MRTFB: variants seen among roughly 807,000 people sequenced by gnomAD.
MRTFB encodes the protein myocardin related transcription factor B.
In MRTFB, 29 loss-of-function variants were observed where a neutral mutation model predicts 104.2. The ratio of observed to expected loss-of-function variants is 0.28; its 90% confidence interval spans 0.21 to 0.38. MRTFB has a LOEUF of 0.38. MRTFB is among the 10% of genes least tolerant of loss of function. The pLI is 1.00. For synonymous variants in MRTFB, 535 were observed against 519.5 expected, an observed-to-expected ratio of 1.03 and a Z score of -0.41; for missense variants, 1,270 against 1,341.6, an observed-to-expected ratio of 0.95 and a Z score of 0.83.
chr16:14,137,094 A>G (rs1011706128), intron 2 of MRTFB, among the ~76,000 whole-genome samples: 1 of 152,186 alleles, frequency 6.6e-6, no homozygotes, highest in Non-Finnish European at 1.5e-5. Context: ...TAATATGTCA[A>G]TTATTGACGA....
At chr16:14,211,283 TC>T (rs2041180278) in intron 4 of MRTFB, among the ~76,000 whole-genome samples, 1 of 151,854 alleles carries the variant, frequency 6.6e-6, no homozygotes, top group Admixed American at 6.6e-5. Flanking sequence ...CACCACCACA[TC>T]CCTGACTATG....
chr16:14,255,644 A>C (rs2043446681), intron 15 of MRTFB, among the ~76,000 whole-genome samples: 1 of 152,232 alleles, frequency 6.6e-6, no homozygotes, highest in Non-Finnish European at 1.5e-5. Flanking sequence ...GCATGTGTAG[A>C]CAATACTTAA....
the MRTFB span, among the ~76,000 whole-genome samples, chr16:14,036,145 T>TAAA: frequency 7.4e-4 from 6 of 8,152 alleles, no homozygotes; most frequent in Admixed American, 2.0e-3. Flanking sequence ...ATATTATATA[T>TAAA]ATAATATATA....
At chr16:14,108,663 G>A (rs1267730092) in intron 2 of MRTFB, among the ~76,000 whole-genome samples, 1 of 152,168 alleles carries the variant, frequency 6.6e-6, no homozygotes, top group Non-Finnish European at 1.5e-5. Flanking sequence ...GATTCTGGAT[G>A]CATTTTATTT....
the MRTFB span, among the ~76,000 whole-genome samples, chr16:14,017,667 TTGTG>T: frequency 2.0e-5 from 1 of 49,304 alleles, no homozygotes; most frequent in African/African-American, 7.7e-5. Context: ...GTGTGTGTAT[TTGTG>T]TGTGTGTGTG....
At chr16:14,210,609 CTAAAG>C (rs1052450492) in intron 4 of MRTFB, among the ~76,000 whole-genome samples, 63 of 152,222 alleles carry the variant, frequency 4.1e-4, no homozygotes, top group African/African-American at 1.3e-3. Context: ...TTTGAAATGA[CTAAAG>C]TAATCACTAT....
intron 3 of MRTFB, among the ~76,000 whole-genome samples, chr16:14,196,686 T>G (rs1038077682): frequency 6.6e-6 from 1 of 152,244 alleles, no homozygotes; most frequent in African/African-American, 2.4e-5. Context: ...TTGTAGTGTC[T>G]GGGGTTGATA....
At chr16:14,258,205 T>TA in intron 16 of MRTFB, 44 bp downstream of exon 16, 1 of 1,538,990 alleles carries the variant, frequency 6.5e-7, no homozygotes, top group Non-Finnish European at 9.0e-7. Flanking sequence ...AGTCATCTCT[T>TA]AACCCAAGTT....
At chr16:14,061,412 A>G in the MRTFB span, among the ~76,000 whole-genome samples, 2 of 152,202 alleles carry the variant, frequency 1.3e-5, no homozygotes, top group Non-Finnish European at 2.9e-5. Context: ...GAAGTCAGTC[A>G]TTGGTGAACA....
At chr16:14,155,203 C>T (rs1649546645) in intron 3 of MRTFB, among the ~76,000 whole-genome samples, 1 of 151,736 alleles carries the variant, frequency 6.6e-6, no homozygotes, top group South Asian at 2.1e-4. Flanking sequence ...ATTAGATATA[C>T]CTCTTTTTTT....
intron 2 of MRTFB, among the ~76,000 whole-genome samples, chr16:14,084,086 G>A (rs1018870340): frequency 1.3e-5 from 2 of 152,178 alleles, no homozygotes; most frequent in African/African-American, 2.4e-5. Context: ...GAGTGTTGAA[G>A]TATGTTGAGT....
At chr16:14,025,867 T>G in the MRTFB span, among the ~76,000 whole-genome samples, 1 of 152,146 alleles carries the variant, frequency 6.6e-6, no homozygotes, top group South Asian at 2.1e-4. Context: ...AAAAACAGAA[T>G]GTCATTTACA....
rs1219085142 is a variant in MRTFB, at chr16:14,246,754, T to C, written c.1494T>C (p.Asn498=). 1.2e-6 allele frequency: 2 copies of C among 1,613,788 alleles called. No individual in the cohort carries two copies. The highest frequency in any genetic ancestry group is 1.7e-5 in the Admixed American group (1 of 59,980). ...TGTSNATRVE[N]VHSPLPISPS... Reference sequence around the variant, plus strand: ...CCAGCAACGCAACCCGTGTGGAAAATGTTCATTCCCCTCTGCCCATTTCAC... The same window carrying C: ...CCAGCAACGCAACCCGTGTGGAAAACGTTCATTCCCCTCTGCCCATTTCAC... Residue 498 remains asparagine, a synonymous_variant, in exon 12 of 17, where the codon AAT becomes AAC. Coordinates refer to ENST00000571589, the MANE Select transcript of MRTFB (RefSeq NM_001308142.2).
chr16:14,147,699 G>A (rs899522137), intron 3 of MRTFB, among the ~76,000 whole-genome samples: 1 of 152,180 alleles, frequency 6.6e-6, no homozygotes. Context: ...ACATGGGCTT[G>A]CTTTAGTTAT....
intron 8 of MRTFB, among the ~76,000 whole-genome samples, chr16:14,226,163 T>C (rs2041994988): frequency 6.6e-6 from 1 of 152,192 alleles, no homozygotes; most frequent in Non-Finnish European, 1.5e-5. Context: ...CCAAACAATC[T>C]ACAGATTCAG....
chr16:14,043,260 C>A, the MRTFB span, among the ~76,000 whole-genome samples: 2 of 152,162 alleles, frequency 1.3e-5, no homozygotes, highest in Non-Finnish European at 2.9e-5. Flanking sequence ...TTGGAGGGGA[C>A]TTTGGGTTTT....
chr16:14,031,120 G>A, the MRTFB span, among the ~76,000 whole-genome samples: 4 of 152,162 alleles, frequency 2.6e-5, no homozygotes, highest in South Asian at 2.1e-4. Context: ...GACCAGGTGC[G>A]ATAGCTCATG....
intron 9 of MRTFB, among the ~76,000 whole-genome samples, chr16:14,236,196 CA>C (rs2042498613): frequency 6.6e-6 from 1 of 151,790 alleles, no homozygotes; most frequent in Non-Finnish European, 1.5e-5. Flanking sequence ...GCCTCAAAAG[CA>C]AATAAATAAA....
At chr16:14,009,039 C>G in the MRTFB span, among the ~76,000 whole-genome samples, 2 of 152,058 alleles carry the variant, frequency 1.3e-5, no homozygotes, top group Non-Finnish European at 1.5e-5. Flanking sequence ...GCCTCAATCT[C>G]CTGAGTTCAA....
Sources: allele counts gnomAD v4.1 joint callset (sites outside exome capture counted in the v4.1 genomes callset), GRCh38; gene constraint gnomAD v4.1.1; transcripts MANE v1.5; gene names NCBI Gene and HGNC (gene_info 2026-07-23, HGNC 2026-07-21).